The following SUGCT variants were observed in gnomAD, a reference collection of about 807,000 sequenced individuals.
SUGCT encodes the protein succinyl-CoA:glutarate CoA-transferase.
Under a neutral mutation model 55.0 loss-of-function variants are expected in SUGCT, and 41 were observed. That is an observed-to-expected ratio of 0.74 (90% confidence interval 0.58 to 0.97). SUGCT has a LOEUF of 0.97. SUGCT is among the 50% of genes least tolerant of loss of function. The pLI is 0.00. For synonymous variants in SUGCT, 187 were observed against 200.4 expected (o/e 0.93, Z 0.56); for missense variants, 568 against 547.8 (o/e 1.04, Z -0.37).
At chr7:40,867,369 A>AAG in the SUGCT span, among the ~76,000 whole-genome samples, 3 of 150,302 alleles carry the variant, frequency 2.0e-5, no homozygotes, top group African/African-American at 2.4e-5. Context: ...GGGAGAGAGC[A>AAG]AGAGAGAGAG....
chr7:40,141,180 T>G (rs1040169189), intron 1 of SUGCT, among the ~76,000 whole-genome samples: 11 of 152,080 alleles, frequency 7.2e-5, no homozygotes, highest in Non-Finnish European at 1.2e-4. Context: ...TAGTGATTTC[T>G]TTTCCTTTTT....
chr7:40,707,840 A>G (rs559908782), intron 12 of SUGCT, among the ~76,000 whole-genome samples: 1 of 152,338 alleles, frequency 6.6e-6, no homozygotes, highest in African/African-American at 2.4e-5. Flanking sequence ...CAAAGAATTG[A>G]CTTCTTTTGT....
intron 13 of SUGCT, among the ~76,000 whole-genome samples, chr7:40,806,863 T>C (rs979498208): frequency 6.6e-6 from 1 of 152,214 alleles, no homozygotes; most frequent in Non-Finnish European, 1.5e-5. Flanking sequence ...TGAGGGAATC[T>C]GTATCTCAGA....
At chr7:40,532,700 G>A (rs186519002) in intron 12 of SUGCT, among the ~76,000 whole-genome samples, 228 of 151,966 alleles carry the variant, frequency 1.5e-3, no homozygotes, top group African/African-American at 2.8e-3. Context: ...AAGGTTTTTC[G>A]TTTGTTTTGT....
At chr7:40,440,517 C>T (rs535212544) in intron 9 of SUGCT, among the ~76,000 whole-genome samples, 68 of 152,182 alleles carry the variant, frequency 4.5e-4, no homozygotes, top group African/African-American at 1.6e-3. Flanking sequence ...CTCATGTGAA[C>T]TTGTCACTGG....
chr7:40,442,504 C>T (rs1421078314), intron 9 of SUGCT, among the ~76,000 whole-genome samples: 1 of 151,812 alleles, frequency 6.6e-6, no homozygotes, highest in Non-Finnish European at 1.5e-5. Flanking sequence ...TTATATTTTT[C>T]TGTACTTCCC....
chr7:40,237,540 G>A, intron 6 of SUGCT, 95 bp from the exon 7 acceptor site: 1 of 950,232 alleles, frequency 1.1e-6, no homozygotes, highest in South Asian at 1.3e-5. Context: ...AATGCTGCAG[G>A]ATTTCTGGAT....
At chr7:40,222,331 A>G (rs1373371134) in intron 6 of SUGCT, among the ~76,000 whole-genome samples, 2 of 152,236 alleles carry the variant, frequency 1.3e-5, no homozygotes, top group Non-Finnish European at 2.9e-5. Context: ...CCAGAGTAAT[A>G]CAATTAAATA....
At chr7:40,373,376 T>TAG (rs1784393708) in intron 9 of SUGCT, among the ~76,000 whole-genome samples, 1 of 148,280 alleles carries the variant, frequency 6.7e-6, no homozygotes. Context: ...AATCTATGAT[T>TAG]AATATATAGA....
chr7:40,297,172 G>T (rs540654799), intron 8 of SUGCT, among the ~76,000 whole-genome samples: 1 of 152,004 alleles, frequency 6.6e-6, no homozygotes, highest in African/African-American at 2.4e-5. Context: ...TTCTGTCCAT[G>T]TTCACCTTAT....
chr7:40,364,179 AC>A (rs1429418990), intron 9 of SUGCT, among the ~76,000 whole-genome samples: 3 of 151,898 alleles, frequency 2.0e-5, no homozygotes, highest in African/African-American at 4.8e-5. Context: ...AGATCTTCCT[AC>A]ATCCTTTTAT....
chr7:40,704,899 A>C (rs1395399012), intron 12 of SUGCT, among the ~76,000 whole-genome samples: 1 of 152,178 alleles, frequency 6.6e-6, no homozygotes, highest in African/African-American at 2.4e-5. Flanking sequence ...GCTATGAAGT[A>C]GTGGAGTCAT....
At chr7:40,589,236 A>C (rs1451570401) in intron 12 of SUGCT, among the ~76,000 whole-genome samples, 1 of 152,030 alleles carries the variant, frequency 6.6e-6, no homozygotes, top group African/African-American at 2.4e-5. Flanking sequence ...TTTTCTTCTT[A>C]TAATTCCACT....
intron 12 of SUGCT, among the ~76,000 whole-genome samples, chr7:40,659,373 T>C (rs952081290): frequency 6.6e-6 from 1 of 152,142 alleles, no homozygotes; most frequent in Non-Finnish European, 1.5e-5. Flanking sequence ...GGGCTCACTA[T>C]GGGCAGAAAG....
At chr7:40,945,070 A>G in the SUGCT span, among the ~76,000 whole-genome samples, 1 of 152,154 alleles carries the variant, frequency 6.6e-6, no homozygotes, top group South Asian at 2.1e-4. Flanking sequence ...CATAGTTCAG[A>G]CTTCAGGCAG....
At chr7:40,515,414 A>G (rs969747912) in intron 12 of SUGCT, among the ~76,000 whole-genome samples, 2 of 152,214 alleles carry the variant, frequency 1.3e-5, no homozygotes, top group East Asian at 3.8e-4. Context: ...AACCATCACC[A>G]CCATCTAATT....
intron 9 of SUGCT, among the ~76,000 whole-genome samples, chr7:40,439,925 T>A (rs576712693): frequency 5.9e-5 from 9 of 152,144 alleles, no homozygotes; most frequent in Admixed American, 1.3e-4. Context: ...CTCTTGCTGA[T>A]GTAATGGAAG....
At chr7:40,563,899 G>A (rs1361110385) in intron 12 of SUGCT, among the ~76,000 whole-genome samples, 1 of 152,072 alleles carries the variant, frequency 6.6e-6, no homozygotes, top group Admixed American at 6.5e-5. Flanking sequence ...GGCAAGTAGA[G>A]TATATAAAAA....
At chr7:40,442,985 T>A (rs191789743) in intron 9 of SUGCT, among the ~76,000 whole-genome samples, 1 of 152,296 alleles carries the variant, frequency 6.6e-6, no homozygotes, top group East Asian at 1.9e-4. Flanking sequence ...TGGTTTTCTG[T>A]CCTTGTGATA....
Sources: gnomAD v4.1 joint callset for allele counts (sites outside exome capture counted in the v4.1 genomes callset) on GRCh38, gnomAD v4.1.1 for gene constraint, MANE v1.5 for transcripts, NCBI Gene and HGNC (gene_info 2026-07-23, HGNC 2026-07-21) for gene names.